The following NAV2 variants were observed in gnomAD, a reference collection of about 807,000 sequenced individuals.
NAV2 encodes the protein helicase, APC down-regulated 1.
Under a neutral mutation model 223.2 loss-of-function variants are expected in NAV2, and 54 were observed. The observed-to-expected ratio is 0.24, with a 90% confidence interval of 0.19 to 0.30. The LOEUF (loss-of-function observed/expected upper bound fraction) is 0.30, where lower values mean the gene tolerates loss of function less well. Ranked by LOEUF, NAV2 falls within the 10% of genes least tolerant of loss-of-function variation. NAV2 has a pLI of 1.00. For synonymous variants in NAV2, 1,279 were observed against 1,239.3 expected, an observed-to-expected ratio of 1.03 and a Z score of -0.67; for missense variants, 2,806 against 3,147.5, an observed-to-expected ratio of 0.89 and a Z score of 2.60.
chr11:19,682,330 A>G (rs540277816), intron 1 of NAV2, among the ~76,000 whole-genome samples: 16 of 152,320 alleles, frequency 1.1e-4, no homozygotes, highest in Admixed American at 4.6e-4. Context: ...TCATAATCCA[A>G]TTGTTATCCT....
At chr11:20,003,504 G>A (rs1050230168) in intron 11 of NAV2, among the ~76,000 whole-genome samples, 1 of 152,148 alleles carries the variant, frequency 6.6e-6, no homozygotes, top group Non-Finnish European at 1.5e-5. Context: ...TGATTATACT[G>A]AGCGACTCCC....
chr11:19,643,614 A>G (rs1361379576), intron 1 of NAV2, among the ~76,000 whole-genome samples: 2 of 152,156 alleles, frequency 1.3e-5, no homozygotes, highest in African/African-American at 2.4e-5. Flanking sequence ...GAATAGTGCC[A>G]CAATAAACAT....
At chr11:19,685,593 T>C (rs1399868827) in intron 1 of NAV2, among the ~76,000 whole-genome samples, 1 of 152,196 alleles carries the variant, frequency 6.6e-6, no homozygotes, top group Non-Finnish European at 1.5e-5. Context: ...ATTAAGAGTA[T>C]CAGTTTATTT....
chr11:19,577,409 C>T (rs566100296), intron 1 of NAV2, among the ~76,000 whole-genome samples: 3 of 152,312 alleles, frequency 2.0e-5, no homozygotes, highest in South Asian at 4.1e-4. Context: ...AGGGTAGGGC[C>T]GCTGACAGGG....
chr11:19,689,674 G>A (rs1032031451), intron 1 of NAV2, among the ~76,000 whole-genome samples: 7 of 152,178 alleles, frequency 4.6e-5, no homozygotes, highest in Admixed American at 2.0e-4. Context: ...ACTTATTTTA[G>A]CATTAACCCT....
At chr11:19,503,964 C>G (rs1381711386) in intron 1 of NAV2, 1 of 152,148 alleles carries the variant, frequency 6.6e-6, no homozygotes. Flanking sequence ...TCTTAAAACT[C>G]AGCAATAAGG....
intron 22 of NAV2, among the ~76,000 whole-genome samples, chr11:20,070,857 G>C (rs1289336857): frequency 1.3e-5 from 2 of 152,140 alleles, no homozygotes; most frequent in Non-Finnish European, 2.9e-5. Flanking sequence ...TTGTTTAGCA[G>C]AAAAATGGGA....
chr11:20,032,373 T>C (rs907577901), intron 11 of NAV2, among the ~76,000 whole-genome samples: 13 of 152,192 alleles, frequency 8.5e-5, no homozygotes, highest in Admixed American at 7.8e-4. Flanking sequence ...GAATCCTGTG[T>C]ATCAAGGGCC....
At chr11:19,716,170 G>A (rs1460285988) in intron 1 of NAV2, among the ~76,000 whole-genome samples, 2 of 152,158 alleles carry the variant, frequency 1.3e-5, no homozygotes, top group Non-Finnish European at 2.9e-5. Flanking sequence ...AGGAAACAAT[G>A]AATTAAATGG....
At chr11:19,486,184 G>T (rs1156745157) in intron 1 of NAV2, among the ~76,000 whole-genome samples, 2 of 152,118 alleles carry the variant, frequency 1.3e-5, no homozygotes, top group Non-Finnish European at 2.9e-5. Context: ...AAGCAAAGGT[G>T]GGTGGTAGCA....
chr11:19,495,560 T>C (rs1300528714), intron 1 of NAV2, among the ~76,000 whole-genome samples: 1 of 152,218 alleles, frequency 6.6e-6, no homozygotes, highest in African/African-American at 2.4e-5. Context: ...AAATGAGCTG[T>C]CATTCATTTA....
chr11:19,520,744 C>T (rs1480874373), intron 1 of NAV2, among the ~76,000 whole-genome samples: 1 of 152,224 alleles, frequency 6.6e-6, no homozygotes, highest in Non-Finnish European at 1.5e-5. Flanking sequence ...GGAAGATGCA[C>T]TTTGCCAAGC....
intron 1 of NAV2, among the ~76,000 whole-genome samples, chr11:19,684,995 G>A (rs977435285): frequency 2.6e-5 from 4 of 152,170 alleles, no homozygotes; most frequent in African/African-American, 9.7e-5. Context: ...GTCAGGCAGG[G>A]CTAGGACCTG....
chr11:19,645,923 G>A lies in NAV2; in HGVS notation c.76-186561G>A, dbSNP rs557295283. Among the ~76,000 whole-genome samples, 9 of 152,290 alleles carry A rather than the reference G, an allele frequency of 5.9e-5. No homozygotes were observed. The East Asian group carries it at 1.5e-3, about 26-fold the overall frequency. On this transcript the variant is annotated intron_variant, in intron 1 of 37. Transcript: ENST00000360655. ...AAGTCACCCAGTGGTAAATGACAAA[G>A]CAGAAATTCAAAACCAAGTCTAACT... is the stretch of plus-strand genomic sequence containing the variant.
Position 19,593,999 on chromosome 11 carries a change from T to A in NAV2, c.76-238485T>A, listed in dbSNP as rs117997681. Among the ~76,000 whole-genome samples, 707 of 152,238 alleles carry A rather than the reference T, an allele frequency of 4.6e-3. 3 individuals are homozygous for A. The highest frequency in any genetic ancestry group is 6.5e-3 in the Non-Finnish European group (443 of 68,022). ...CTCAGTTAATCCTCACGACAACTCA[T>A]GAAGAAGATACTAGGATTATCCCAA... On this transcript the variant is annotated intron_variant, in intron 1 of 37. Transcript: ENST00000360655.
intron 4 of NAV2, among the ~76,000 whole-genome samples, chr11:19,871,253 C>A (rs2062471493): frequency 6.6e-6 from 1 of 152,140 alleles, no homozygotes; most frequent in Non-Finnish European, 1.5e-5. Flanking sequence ...TTACTTGATG[C>A]CCATATTTAT....
At chr11:19,674,477 A>G (rs543949298) in intron 1 of NAV2, among the ~76,000 whole-genome samples, 1 of 152,340 alleles carries the variant, frequency 6.6e-6, no homozygotes, top group Non-Finnish European at 1.5e-5. Context: ...CCCCAAGGGA[A>G]AAAAGGGTAT....
At position 19,726,427 on chromosome 11, in the gene NAV2, C is replaced by T. The variant is rs189954256; in HGVS notation, c.267+12465C>T. Among the ~76,000 whole-genome samples, 315 of 152,322 alleles carry T rather than the reference C, an allele frequency of 2.1e-3. 1 individual carries two copies. The highest frequency in any genetic ancestry group is 4.6e-3 in the Admixed American group (70 of 15,306). ...CCCCTTCATTTTGAAGATGAGGATG[C>T]CACGCCTCAGGGCCTTTGCACTTGC... is the stretch of plus-strand genomic sequence containing the variant. On this transcript the variant is annotated intron_variant, in intron 1 of 37. Coordinates refer to ENST00000349880, the MANE Select transcript of NAV2 (RefSeq NM_145117.5).
At chr11:19,865,874 TA>T (rs5790097) in intron 3 of NAV2, among the ~76,000 whole-genome samples, 99,203 of 151,746 alleles carry the variant, frequency 0.65, 32,478 homozygotes, top group African/African-American at 0.66. Context: ...CTGATTCTTC[TA>T]GAGAAAGACA....
Sources: allele counts gnomAD v4.1 joint callset (sites outside exome capture counted in the v4.1 genomes callset), GRCh38; gene constraint gnomAD v4.1.1; transcripts MANE v1.5; gene names NCBI Gene and HGNC (gene_info 2026-07-23, HGNC 2026-07-21).